Variants in SLC9A9 observed in about 807,000 individuals in gnomAD.
The protein encoded by SLC9A9 is solute carrier family 9 member A9.
In SLC9A9, 62 loss-of-function variants were observed where a neutral mutation model predicts 77.8. The observed-to-expected ratio is 0.80, with a 90% CI of 0.65 to 0.98. SLC9A9 has a LOEUF of 0.98. Among genes scored for constraint, SLC9A9 ranks in the 50% least tolerant of loss-of-function variants. The probability of loss-of-function intolerance (pLI) is 0.00; values close to 1 mark genes in which losing one functional copy is unlikely to be tolerated. For synonymous variants in SLC9A9, 320 were observed against 283.5 expected, an observed-to-expected ratio of 1.13 and a Z score of -1.29; for missense variants, 775 against 774.9, an observed-to-expected ratio of 1.00 and a Z score of 0.00.
chr3:143,496,749 A>G (rs552874232), intron 9 of SLC9A9, among the ~76,000 whole-genome samples: 6 of 152,218 alleles, frequency 3.9e-5, no homozygotes, highest in Admixed American at 1.3e-4. Context: ...CTGCCTCATT[A>G]TATCTTTACT....
At chr3:143,306,391 CA>C (rs964563853) in intron 14 of SLC9A9, among the ~76,000 whole-genome samples, 2 of 152,186 alleles carry the variant, frequency 1.3e-5, no homozygotes, top group African/African-American at 4.8e-5. Context: ...CTGTCTCAAC[CA>C]AAGGTAACAT....
chr3:143,469,488 G>A (rs916938632), intron 11 of SLC9A9, among the ~76,000 whole-genome samples: 2 of 152,144 alleles, frequency 1.3e-5, no homozygotes, highest in African/African-American at 2.4e-5. Context: ...ATTTATTATA[G>A]CATCTAGGTT....
intron 12 of SLC9A9, among the ~76,000 whole-genome samples, chr3:143,450,537 A>G (rs1469979008): frequency 1.3e-5 from 2 of 152,002 alleles, no homozygotes; most frequent in African/African-American, 4.8e-5. Flanking sequence ...TGGTTTTCTC[A>G]TTTTAGTTAA....
intron 9 of SLC9A9, among the ~76,000 whole-genome samples, chr3:143,541,790 A>G (rs1339063335): frequency 6.6e-6 from 1 of 152,212 alleles, no homozygotes; most frequent in African/African-American, 2.4e-5. Flanking sequence ...ATGACTTAAA[A>G]TTTCCAACTG....
At chr3:143,805,632 G>T (rs1207368042) in intron 2 of SLC9A9, among the ~76,000 whole-genome samples, 2 of 152,120 alleles carry the variant, frequency 1.3e-5, no homozygotes, top group African/African-American at 4.8e-5. Context: ...AGGTGAAAAT[G>T]GCCCATTCCT....
intron 12 of SLC9A9, among the ~76,000 whole-genome samples, chr3:143,434,829 C>A (rs1417305139): frequency 2.0e-5 from 3 of 152,152 alleles, no homozygotes; most frequent in Admixed American, 2.0e-4. Context: ...ATTACCTCTC[C>A]ACATTCAGCT....
intron 8 of SLC9A9, among the ~76,000 whole-genome samples, chr3:143,572,296 G>GGT (rs71629562): frequency 0.11 from 16,001 of 148,706 alleles, 885 homozygotes; most frequent in Middle Eastern, 0.19. Flanking sequence ...CTTAGGCAAT[G>GGT]GTGTGTGTGT....
At chr3:143,760,394 G>A (rs189373929) in intron 4 of SLC9A9, among the ~76,000 whole-genome samples, 1,664 of 152,266 alleles carry the variant, frequency 0.011, 23 homozygotes, top group Non-Finnish European at 0.018. Flanking sequence ...TAGGAAAAGA[G>A]GAAGTCAAAT....
At chr3:143,424,178 T>C (rs1438146272) in intron 12 of SLC9A9, among the ~76,000 whole-genome samples, 1 of 152,138 alleles carries the variant, frequency 6.6e-6, no homozygotes, top group Non-Finnish European at 1.5e-5. Context: ...TGGTTTGTCA[T>C]AATTAGATGT....
At chr3:143,465,051 C>T (rs2035261047) in intron 12 of SLC9A9, among the ~76,000 whole-genome samples, 1 of 152,242 alleles carries the variant, frequency 6.6e-6, no homozygotes, top group African/African-American at 2.4e-5. Context: ...CTAAACACAT[C>T]ACAGTCCTGC....
At chr3:143,567,205 G>A (rs1317503334) in intron 8 of SLC9A9, among the ~76,000 whole-genome samples, 1 of 152,066 alleles carries the variant, frequency 6.6e-6, no homozygotes, top group Non-Finnish European at 1.5e-5. Flanking sequence ...CTATTACAAA[G>A]CAATAAATTC....
intron 13 of SLC9A9, among the ~76,000 whole-genome samples, chr3:143,380,308 AGGCTAGTAGG>A (rs2033273921): frequency 6.6e-6 from 1 of 152,244 alleles, no homozygotes; most frequent in Non-Finnish European, 1.5e-5. Flanking sequence ...GAAAGGATTT[AGGCTAGTAGG>A]AAATTTTTAC....
intron 14 of SLC9A9, among the ~76,000 whole-genome samples, chr3:143,333,428 A>G (rs2031833456): frequency 1.3e-5 from 2 of 152,190 alleles, no homozygotes; most frequent in Admixed American, 1.3e-4. Context: ...CACAGTAAAC[A>G]CTAGGTTCTT....
intron 14 of SLC9A9, among the ~76,000 whole-genome samples, chr3:143,275,960 T>C (rs1938034231): frequency 6.6e-6 from 1 of 152,226 alleles, no homozygotes; most frequent in Non-Finnish European, 1.5e-5. Context: ...CGGTTGTTTT[T>C]TCACAGTGTG....
Position 143,652,241 on chromosome 3 carries a change from G to T in SLC9A9, c.755+14C>A. The stretch of plus-strand genomic sequence containing the variant: ...ACATGATTAAAGAAACATAGGCCAA[G>T]TTCTGGTACTTACTATGTAAGGACT... On this transcript the variant is annotated intron_variant, in intron 6 of 15. Transcript: ENST00000316549. The T allele has an allele frequency of 6.3e-7, 1 of 1,595,168 alleles. No individual in the cohort carries two copies. Among genetic ancestry groups the T allele is most frequent in the Non-Finnish European group, 8.6e-7 (1 of 1,164,576 alleles).
intron 4 of SLC9A9, among the ~76,000 whole-genome samples, chr3:143,777,599 C>T (rs1338862354): frequency 6.6e-6 from 1 of 151,918 alleles, no homozygotes; most frequent in African/African-American, 2.4e-5. Context: ...ATGCACCTAC[C>T]ATGAGAAAAT....
intron 9 of SLC9A9, among the ~76,000 whole-genome samples, chr3:143,514,499 T>C (rs541436157): frequency 5.4e-4 from 83 of 152,376 alleles, no homozygotes; most frequent in Admixed American, 9.1e-4. Context: ...CTACATGGCA[T>C]TTTTGTTCAA....
In SLC9A9 at chr3:143,305,906, C is replaced by G. The variant is rs2030759842; in HGVS notation, c.1605-36926G>C. 2.0e-5 allele frequency among the ~76,000 whole-genome samples: 3 copies of G among 152,178 alleles called. No homozygotes were observed. The South Asian group carries it at 6.2e-4, about 32-fold the overall frequency. ...AGCTGTCAAGTGATGGAAAAGAATGCTTGCTATTCATCAAATTTGTATTTA... is the reference window on the plus strand; with the variant it reads ...AGCTGTCAAGTGATGGAAAAGAATGGTTGCTATTCATCAAATTTGTATTTA... On this transcript the variant is annotated intron_variant, in intron 14 of 15. Transcript: ENST00000316549.
chr3:143,559,440 G>A (rs1291964270), intron 8 of SLC9A9, among the ~76,000 whole-genome samples: 1 of 152,142 alleles, frequency 6.6e-6, no homozygotes, highest in Non-Finnish European at 1.5e-5. Context: ...TTATCTGCCA[G>A]CATTGTTGTA....
Sources: gnomAD v4.1 joint callset for allele counts (sites outside exome capture counted in the v4.1 genomes callset) on GRCh38, gnomAD v4.1.1 for gene constraint, MANE v1.5 for transcripts, NCBI Gene and HGNC (gene_info 2026-07-23, HGNC 2026-07-21) for gene names.